FREM1: variants seen among roughly 807,000 people sequenced by gnomAD.
FREM1 encodes the protein FRAS1-related extracellular matrix protein 1.
Under a neutral mutation model 210.1 loss-of-function variants are expected in FREM1, and 220 were observed. That is an observed-to-expected ratio of 1.05 (90% CI 0.94 to 1.17). The LOEUF is 1.17. Ranked by LOEUF, FREM1 falls within the 50% of genes most tolerant of loss-of-function variation. The pLI is 0.00. For missense variants in FREM1, 3,454 were observed against 2,675.5 expected, an observed-to-expected ratio of 1.29 and a Z score of -6.42; for synonymous variants, 1,189 against 980.2, an observed-to-expected ratio of 1.21 and a Z score of -3.98.
chr9:14,762,464 G>A lies in FREM1; in HGVS notation c.5205-2563C>T, dbSNP rs16932265. Reference sequence around the variant, plus strand: ...CAATTTGATTTCTGATCTAAATTCAGAAGGGAACCATTCAGAGGGCTGTTC... The same window carrying A: ...CAATTTGATTTCTGATCTAAATTCAAAAGGGAACCATTCAGAGGGCTGTTC... On this transcript the variant is annotated intron_variant, in intron 27 of 36. Transcript: ENST00000380880. Among the ~76,000 whole-genome samples the A allele has an allele frequency of 8.7e-3, 1,323 of 152,306 alleles. 20 individuals are homozygous for A. Among genetic ancestry groups the A allele is most frequent in the East Asian group, 0.06 (309 of 5,184 alleles).
At chr9:14,905,459 T>C (rs79381801) in intron 1 of FREM1, among the ~76,000 whole-genome samples, 6,508 of 152,266 alleles carry the variant, frequency 0.043, 407 homozygotes, top group African/African-American at 0.13. Context: ...CCTTATGCAT[T>C]TATCTAAAAC....
chr9:14,908,387 G>A (rs1216695443), intron 1 of FREM1, among the ~76,000 whole-genome samples: 1 of 152,196 alleles, frequency 6.6e-6, no homozygotes, highest in Non-Finnish European at 1.5e-5. Context: ...ATTAAGAACA[G>A]TCCTGGGTTT....
chr9:14,868,933 C>G lies in FREM1; in HGVS notation c.45G>C (p.Leu15=), dbSNP rs61747529. ...TGGGGCTGGCCCAGGCCAGGAGGAG[C>G]AGCAGCAGCACGGCATTCGCAGCCC... ...SWGAANAVLL[L]LLLAWASPTF... Residue 15 remains leucine, a synonymous_variant, in exon 2 of 37, where the codon CTG becomes CTC. Coordinates refer to ENST00000380880, the MANE Select transcript of FREM1 (RefSeq NM_001379081.2). 3 of 1,600,024 alleles carry G rather than the reference C, an allele frequency of 1.9e-6. No homozygotes were observed. Among genetic ancestry groups the G allele is most frequent in the Admixed American group, 1.7e-5 (1 of 58,680 alleles).
chr9:14,763,370 T>A (rs1587794339), intron 27 of FREM1, among the ~76,000 whole-genome samples: 1 of 152,226 alleles, frequency 6.6e-6, no homozygotes, highest in East Asian at 1.9e-4. Flanking sequence ...GAGAACTTCT[T>A]CCATATGCGG....
At chr9:14,822,349 T>A (rs1460301041) in intron 13 of FREM1, among the ~76,000 whole-genome samples, 2 of 151,998 alleles carry the variant, frequency 1.3e-5, no homozygotes, top group Admixed American at 1.3e-4. Context: ...CTTGGGCAGG[T>A]ATAGAGATGA....
intron 1 of FREM1, among the ~76,000 whole-genome samples, chr9:14,873,193 T>C (rs1833028230): frequency 6.6e-6 from 1 of 152,122 alleles, no homozygotes; most frequent in South Asian, 2.1e-4. Flanking sequence ...TAAAATGAGT[T>C]AGGGAGGATT....
At chr9:14,792,424 T>A (rs190315642) in intron 22 of FREM1, among the ~76,000 whole-genome samples, 6 of 152,074 alleles carry the variant, frequency 3.9e-5, no homozygotes, top group African/African-American at 1.2e-4. Context: ...CTGGTAGAAA[T>A]GAAGATATCA....
At chr9:14,895,840 A>G (rs1475896471) in intron 1 of FREM1, among the ~76,000 whole-genome samples, 2 of 151,960 alleles carry the variant, frequency 1.3e-5, no homozygotes, top group South Asian at 2.1e-4. Flanking sequence ...CATCACCCCT[A>G]TTCAGCCTGA....
intron 1 of FREM1, among the ~76,000 whole-genome samples, chr9:14,875,663 C>A (rs1833575314): frequency 6.6e-6 from 1 of 152,216 alleles, no homozygotes; most frequent in Non-Finnish European, 1.5e-5. Flanking sequence ...CTGAAGCCTT[C>A]TTCTCTCAAC....
chr9:14,797,098 C>T (rs945693669), intron 21 of FREM1, among the ~76,000 whole-genome samples: 2 of 152,210 alleles, frequency 1.3e-5, no homozygotes, highest in African/African-American at 2.4e-5. Context: ...TTCAGCAAAT[C>T]TGTTGTAAGG....
intron 1 of FREM1, among the ~76,000 whole-genome samples, chr9:14,883,078 A>ACAGAG (rs1442774112): frequency 5.3e-5 from 8 of 152,116 alleles, no homozygotes; most frequent in Admixed American, 4.6e-4. Flanking sequence ...CTCAGGAAAA[A>ACAGAG]CAGAGTAGAA....
At chr9:14,767,179 T>C (rs904813774) in intron 27 of FREM1, among the ~76,000 whole-genome samples, 6 of 152,180 alleles carry the variant, frequency 3.9e-5, no homozygotes, top group African/African-American at 1.4e-4. Flanking sequence ...CGGTGGTTTA[T>C]TATCTATAGT....
chr9:14,806,728 C>T lies in FREM1; in HGVS notation c.3207G>A (p.Gln1069=), dbSNP rs772475287. Residue 1069 remains glutamine, a synonymous_variant, in exon 18 of 37, where the codon CAG becomes CAA. Transcript: ENST00000380880. The part of the protein sequence containing the change: ...DLEFVLVSPP[Q]FGYLENILPS... ...GGAGTATATTTTCGAGGTAGCCAAACTGAGGAGGAGAAACCAAAACAAATT... is the reference window on the plus strand; with the variant it reads ...GGAGTATATTTTCGAGGTAGCCAAATTGAGGAGGAGAAACCAAAACAAATT... 8 of 1,604,766 alleles carry T rather than the reference C, an allele frequency of 5.0e-6. No individual in the cohort carries two copies. The highest frequency in any genetic ancestry group is 6.8e-6 in the Non-Finnish European group (8 of 1,175,526).
intron 20 of FREM1, among the ~76,000 whole-genome samples, chr9:14,801,226 G>C (rs1335887813): frequency 6.6e-6 from 1 of 152,132 alleles, no homozygotes; most frequent in Non-Finnish European, 1.5e-5. Flanking sequence ...TCAAATTCCT[G>C]ACCTCAAGTG....
In FREM1 at chr9:14,792,947, C is replaced by G. The variant is rs1286060212; in HGVS notation, c.3840-63G>C. On this transcript the variant is annotated intron_variant, in intron 21 of 36. Transcript: ENST00000380880. ...GAAGATATTCCTTTAGTAGGGGACACTTATATTGACTATCACAGTTCCCAA... is the reference window on the plus strand; with the variant it reads ...GAAGATATTCCTTTAGTAGGGGACAGTTATATTGACTATCACAGTTCCCAA... 5.0e-6 allele frequency: 5 copies of G among 1,002,174 alleles called. No individual in the cohort carries two copies. The African/African-American group carries it at 8.2e-5, about 16-fold the overall frequency. 62.1% of individuals were successfully genotyped at this position (1,002,174 alleles called of 1,614,324 possible). A position where few individuals can be genotyped will look rare whatever the true frequency, so the allele number is the denominator to read the frequency against.
At chr9:14,793,428 T>C (rs1160392885) in intron 21 of FREM1, among the ~76,000 whole-genome samples, 1 of 152,212 alleles carries the variant, frequency 6.6e-6, no homozygotes, top group Non-Finnish European at 1.5e-5. Flanking sequence ...GTTCTTGTTG[T>C]AGATTCATCT....
intron 5 of FREM1, 100 bp from the exon 6 acceptor site, chr9:14,851,707 G>T: frequency 2.1e-6 from 2 of 944,070 alleles, no homozygotes; most frequent in Non-Finnish European, 3.4e-6. Flanking sequence ...ACAGCCTAGC[G>T]TCTAGCAGTG....
chr9:14,809,890 GT>G, intron 16 of FREM1, among the ~76,000 whole-genome samples: 1 of 152,028 alleles, frequency 6.6e-6, no homozygotes, highest in Non-Finnish European at 1.5e-5. Context: ...ATGTATGTAT[GT>G]ATGTATGTAT....
Position 14,740,184 on chromosome 9 carries a change from A to G in FREM1, c.6305T>C (p.Leu2102Pro). 1 of 1,613,386 alleles carries G rather than the reference A, an allele frequency of 6.2e-7. No individual in the cohort carries two copies. Among genetic ancestry groups the G allele is most frequent in the Non-Finnish European group, 8.5e-7 (1 of 1,179,546 alleles). Reference sequence around the variant, plus strand: ...GGACTTTCTCCCACCAATGTCCCAGAGCCACCGCATGTGCTGCCTGGAGAA... The same window carrying G: ...GGACTTTCTCCCACCAATGTCCCAGGGCCACCGCATGTGCTGCCTGGAGAA... ...TVFSRQHMRWLWDIGGRKSFW... is the reference protein window; with the variant it reads ...TVFSRQHMRWPWDIGGRKSFW... The change falls in exon 36 of 37, where the codon CTC becomes CCC. Residue 2102 changes from leucine (L) to proline (P), a missense_variant. By Grantham distance (98) the Leu-to-Pro change is moderately conservative. Transcript: ENST00000380880.
Sources: gnomAD v4.1 joint callset for allele counts (sites outside exome capture counted in the v4.1 genomes callset) on GRCh38, gnomAD v4.1.1 for gene constraint, MANE v1.5 for transcripts, NCBI Gene and HGNC (gene_info 2026-07-23, HGNC 2026-07-21) for gene names.